Variants in STARD9 observed in about 807,000 individuals in gnomAD.
STARD9 encodes stAR-related lipid transfer protein 9.
STARD9 carries 346 observed loss-of-function variants against 399.8 expected under a neutral mutation model. The observed-to-expected ratio is 0.87, with a 90% CI of 0.79 to 0.95. The LOEUF is 0.95. Ranked by LOEUF, STARD9 falls within the 40% of genes least tolerant of loss-of-function variation. The pLI, the probability that STARD9 is intolerant of heterozygous loss-of-function variation, is 0.00. For missense variants in STARD9, 5,832 were observed against 5,667.5 expected (o/e 1.03, Z -0.93); for synonymous variants, 2,203 against 2,143.5 (o/e 1.03, Z -0.77).
intron 1 of STARD9, among the ~76,000 whole-genome samples, chr15:42,579,995 G>A (rs1279725574): frequency 6.6e-6 from 1 of 152,168 alleles, no homozygotes; most frequent in Non-Finnish European, 1.5e-5. Context: ...CTTTCTTGAA[G>A]TACAAGAGGA....
At position 42,687,428 on chromosome 15, in the gene STARD9, A is replaced by T; in HGVS notation, c.5850A>T (p.Arg1950Ser). The T allele has an allele frequency of 6.5e-7, 1 of 1,537,158 alleles. No homozygotes were observed. The highest frequency in any genetic ancestry group is 8.7e-7 in the Non-Finnish European group (1 of 1,146,920). ...PGESAVSLKSRSVDRRVSSPV... is the reference protein window; with the variant it reads ...PGESAVSLKSSSVDRRVSSPV... ...AAAGTGCTGTTTCTTTGAAATCCAG[A>T]TCAGTAGATCGTAGAGTAAGCAGCC... Residue 1950 changes from arginine (R) to serine (S), a missense_variant, in exon 23 of 33, where the codon AGA (arginine) becomes AGT (serine). Arg to Ser is a moderately radical substitution (Grantham distance 110). Coordinates refer to ENST00000290607, the MANE Select transcript of STARD9 (RefSeq NM_020759.3).
chr15:42,627,546 T>G (rs1339216478), intron 3 of STARD9, among the ~76,000 whole-genome samples: 1 of 152,208 alleles, frequency 6.6e-6, no homozygotes, highest in Admixed American at 6.5e-5. Context: ...ATCTTACTCA[T>G]TTTGTCTAAC....
At position 42,689,784 on chromosome 15, in the gene STARD9, G is replaced by A. The variant is rs899611499; in HGVS notation, c.8206G>A (p.Val2736Ile). ...ACCTGTGGAGGAGGTCAGGAGGGTAGTATCAAAGAAGGTAGTGGCTGCCTT... is the reference window on the plus strand; with the variant it reads ...ACCTGTGGAGGAGGTCAGGAGGGTAATATCAAAGAAGGTAGTGGCTGCCTT... Reference protein sequence around the residue: ...SAPVEEVRRVVSKKVVAALPS... With the variant: ...SAPVEEVRRVISKKVVAALPS... The change falls in exon 23 of 33, where the codon GTA becomes ATA. Residue 2736 changes from valine (V) to isoleucine (I), a missense_variant. By Grantham distance (29) the Val-to-Ile change is conservative. Transcript: ENST00000290607. The A allele has an allele frequency of 3.3e-6, 5 of 1,537,562 alleles. No individual in the cohort carries two copies. Among genetic ancestry groups the A allele is most frequent in the Non-Finnish European group, 4.4e-6 (5 of 1,146,980 alleles).
intron 3 of STARD9, among the ~76,000 whole-genome samples, chr15:42,593,681 T>TTG (rs1491008147): frequency 1.3e-4 from 18 of 133,964 alleles, no homozygotes; most frequent in Non-Finnish European, 2.4e-4. Context: ...TTTTTTTTTT[T>TTG]GAGACAGAGT....
rs1367385568 is a variant in STARD9 at position 42,622,340 on chromosome 15, T to TCTCTCTCTCC, written c.235-12506_235-12497dup. On this transcript the variant is annotated intron_variant, in intron 3 of 32. Coordinates refer to ENST00000290607, the MANE Select transcript of STARD9 (RefSeq NM_020759.3). ...TTTCTCATTATCACCTGTAGCTCGC[T>TCTCTCTCTCC]CTCTCTCTCCCTCTCTCTCTCTCTC... 3.9e-5 allele frequency among the ~76,000 whole-genome samples: 6 copies of TCTCTCTCTCC among 152,170 alleles called. No individual in the cohort carries two copies. In the East Asian group the frequency reaches 9.7e-4, roughly 24 times the overall value.
Position 42,681,625 on chromosome 15 carries a change from C to A in STARD9, c.2065+13C>A. On this transcript the variant is annotated intron_variant, in intron 21 of 32. Coordinates refer to ENST00000290607, the MANE Select transcript of STARD9 (RefSeq NM_020759.3). ...CAGATTAAAGAAAGTAGGTGTCCAC[C>A]ACTTAATGTGTCTGCCTCACCTCCT... is the stretch of plus-strand genomic sequence containing the variant. 6.5e-7 allele frequency: 1 copy of A among 1,528,212 alleles called. No individual in the cohort carries two copies. Among genetic ancestry groups the A allele is most frequent in the Admixed American group, 2.0e-5 (1 of 50,256 alleles). The allele number at this position is 1,528,212 out of a possible 1,614,324, so 94.7% of individuals were successfully genotyped here. A position where few individuals can be genotyped will look rare whatever the true frequency, so the allele number is the denominator to read the frequency against.
At chr15:42,663,798 A>T (rs2060035870) in intron 12 of STARD9, 22 bp from the exon 13 acceptor site, 1 of 1,513,842 alleles carries the variant, frequency 6.6e-7, no homozygotes, top group Non-Finnish European at 8.9e-7. Context: ...GCATGTTTTT[A>T]AACTTTCTCC....
chr15:42,629,860 A>C (rs568050401), intron 3 of STARD9: 2 of 152,100 alleles, frequency 1.3e-5, no homozygotes, highest in African/African-American at 4.8e-5. Context: ...TGCTTTTTCA[A>C]CAATAGTTTA....
intron 3 of STARD9, among the ~76,000 whole-genome samples, chr15:42,601,939 C>T (rs187906427): frequency 1.0e-3 from 157 of 152,310 alleles, no homozygotes; most frequent in African/African-American, 3.5e-3. Context: ...CCTCTGCCTC[C>T]GGGTTCAGGT....
At chr15:42,626,464 C>T (rs186653054) in intron 3 of STARD9, among the ~76,000 whole-genome samples, 27 of 151,346 alleles carry the variant, frequency 1.8e-4, no homozygotes, top group Non-Finnish European at 2.2e-4. Context: ...TCCTTCTCCT[C>T]TTCCTCCTCT....
rs1388546442 is a variant in STARD9, at chr15:42,682,450, G to T, written c.2412G>T (p.Glu804Asp). Residue 804 changes from glutamate to aspartate, a missense_variant, in exon 22 of 33, where the codon GAG becomes GAT. Coordinates refer to ENST00000290607, the MANE Select transcript of STARD9 (RefSeq NM_020759.3). ...GGCTCCAGGATGACAGCACCCAGGA[G>T]CCCCCATACCAGGTCCTCAGCCCTG... is the stretch of plus-strand genomic sequence containing the variant. ...LCWLQDDSTQ[E>D]PPYQVLSPDA... 2 of 1,537,178 alleles carry T rather than the reference G, an allele frequency of 1.3e-6. No individual in the cohort carries two copies. The highest frequency in any genetic ancestry group is 8.7e-7 in the Non-Finnish European group (1 of 1,146,892).
intron 3 of STARD9, among the ~76,000 whole-genome samples, chr15:42,596,408 A>G (rs111656044): frequency 3.5e-4 from 53 of 152,316 alleles, no homozygotes; most frequent in Admixed American, 1.1e-3. Flanking sequence ...GAAGAGAAGT[A>G]TGATGATGGT....
intron 26 of STARD9, 122 bp downstream of exon 26, chr15:42,696,002 CAT>C (rs1566954118): frequency 1.9e-6 from 2 of 1,026,288 alleles, no homozygotes; most frequent in Non-Finnish European, 1.4e-6. Flanking sequence ...CCACTGCTGA[CAT>C]GAGCCCTTCT....
At chr15:42,575,957 C>A (rs2058044948) in intron 1 of STARD9, among the ~76,000 whole-genome samples, 195 bp downstream of exon 1, 1 of 151,556 alleles carries the variant, frequency 6.6e-6, no homozygotes, top group South Asian at 2.1e-4. Context: ...CTGGGGATAG[C>A]GGTTCCCGGA....
intron 3 of STARD9, among the ~76,000 whole-genome samples, chr15:42,620,427 G>A (rs1003222116): frequency 1.3e-5 from 2 of 151,904 alleles, no homozygotes; most frequent in African/African-American, 4.8e-5. Context: ...GCTGCAGTGA[G>A]CTGTGATCAC....
At chr15:42,662,681 A>T (rs2060013772) in intron 10 of STARD9, 113 bp from the exon 11 acceptor site, 1 of 594,482 alleles carries the variant, frequency 1.7e-6, no homozygotes, top group Non-Finnish European at 2.8e-6. Context: ...GGAATTTATT[A>T]TGTGAGTCCT....
At chr15:42,697,736 T>G (rs2060874974) in intron 26 of STARD9, among the ~76,000 whole-genome samples, 1 of 152,190 alleles carries the variant, frequency 6.6e-6, no homozygotes, top group Admixed American at 6.5e-5. Flanking sequence ...ATATCCAACA[T>G]AAATTTTGTA....
chr15:42,601,768 G>A (rs2058636159), intron 3 of STARD9, among the ~76,000 whole-genome samples: 2 of 152,218 alleles, frequency 1.3e-5, no homozygotes, highest in Admixed American at 1.3e-4. Flanking sequence ...AAACCCTATA[G>A]CATTAAGTCT....
At chr15:42,619,749 C>T (rs1185714564) in intron 3 of STARD9, among the ~76,000 whole-genome samples, 1 of 152,184 alleles carries the variant, frequency 6.6e-6, no homozygotes, top group Non-Finnish European at 1.5e-5. Flanking sequence ...CCTCGCCTGC[C>T]TGCCCACCAC....
Sources: allele counts gnomAD v4.1 joint callset (sites outside exome capture counted in the v4.1 genomes callset), GRCh38; gene constraint gnomAD v4.1.1; transcripts MANE v1.5; gene names NCBI Gene and HGNC (gene_info 2026-07-23, HGNC 2026-07-21).